Variants in KCNH1 observed in about 807,000 individuals in gnomAD.
KCNH1 encodes voltage-gated delayed rectifier potassium channel KCNH1.
In KCNH1, 27 loss-of-function variants were observed where a neutral mutation model predicts 69.2. The observed-to-expected ratio is 0.39, with a 90% CI of 0.29 to 0.54. The LOEUF (loss-of-function observed/expected upper bound fraction) is 0.54. KCNH1 is among the 20% of genes least tolerant of loss of function. The probability of loss-of-function intolerance (pLI) is 0.68; values close to 1 mark genes in which losing one functional copy is unlikely to be tolerated. For missense variants in KCNH1, 798 were observed against 1,261.6 expected, an observed-to-expected ratio of 0.63 and a Z score of 5.57; for synonymous variants, 456 against 487.7, an observed-to-expected ratio of 0.93 and a Z score of 0.86.
chr1:210,898,481 A>G (rs937877560), intron 7 of KCNH1, among the ~76,000 whole-genome samples: 5 of 152,200 alleles, frequency 3.3e-5, no homozygotes, highest in Non-Finnish European at 5.9e-5. Context: ...GTAAATGTGT[A>G]TAATATTGGC....
intron 10 of KCNH1, among the ~76,000 whole-genome samples, chr1:210,766,727 T>C (rs1234171409): frequency 6.6e-6 from 1 of 152,128 alleles, no homozygotes; most frequent in Non-Finnish European, 1.5e-5. Context: ...TAGTAAAAAG[T>C]AAATTGCCAA....
At chr1:211,095,260 A>G (rs1691127383) in intron 3 of KCNH1, among the ~76,000 whole-genome samples, 1 of 152,244 alleles carries the variant, frequency 6.6e-6, no homozygotes, top group Admixed American at 6.5e-5. Flanking sequence ...GTCCTACTGC[A>G]AAAAGGACAA....
intron 7 of KCNH1, among the ~76,000 whole-genome samples, chr1:210,874,522 T>C (rs955254154): frequency 1.3e-5 from 2 of 151,796 alleles, no homozygotes; most frequent in Non-Finnish European, 3.0e-5. Flanking sequence ...TGAACAGGGA[T>C]ATTCATCACA....
intron 7 of KCNH1, among the ~76,000 whole-genome samples, chr1:210,915,484 C>G (rs1687316001): frequency 6.6e-6 from 1 of 152,040 alleles, no homozygotes; most frequent in Non-Finnish European, 1.5e-5. Flanking sequence ...GAAAATGAGT[C>G]CACACACCAT....
intron 7 of KCNH1, among the ~76,000 whole-genome samples, chr1:210,837,447 G>C (rs1234200880): frequency 1.3e-5 from 2 of 152,122 alleles, no homozygotes; most frequent in African/African-American, 4.8e-5. Flanking sequence ...GCAGTACCTG[G>C]CACATAATAG....
chr1:210,994,690 T>C (rs951420323), intron 6 of KCNH1, among the ~76,000 whole-genome samples: 1 of 152,138 alleles, frequency 6.6e-6, no homozygotes, highest in Non-Finnish European at 1.5e-5. Flanking sequence ...CAGGGGTCAG[T>C]CTAAACTCAA....
At chr1:210,791,410 G>T (rs1466262764) in intron 9 of KCNH1, among the ~76,000 whole-genome samples, 1 of 152,174 alleles carries the variant, frequency 6.6e-6, no homozygotes, top group Admixed American at 6.5e-5. Context: ...AAGTTTCCCA[G>T]CTGAGTTTTG....
chr1:210,714,273 G>A (rs1332302371), intron 10 of KCNH1, among the ~76,000 whole-genome samples: 2 of 152,186 alleles, frequency 1.3e-5, no homozygotes, highest in African/African-American at 4.8e-5. Context: ...TCAGTAAGGG[G>A]AGTAAAGTAA....
intron 7 of KCNH1, among the ~76,000 whole-genome samples, chr1:210,850,180 T>A (rs986628964): frequency 7.2e-5 from 11 of 152,020 alleles, no homozygotes; most frequent in African/African-American, 2.4e-4. Flanking sequence ...CAGGAAGAGA[T>A]GAAGCAAATA....
intron 5 of KCNH1, among the ~76,000 whole-genome samples, chr1:211,059,830 A>G (rs980186205): frequency 1.2e-4 from 19 of 152,170 alleles, no homozygotes; most frequent in Non-Finnish European, 1.5e-5. Flanking sequence ...TCAGCACTGG[A>G]CAGATCATCT....
In KCNH1 at chr1:211,042,500, T is replaced by A. The variant is rs1427446425; in HGVS notation, c.559-23244A>T. Among the ~76,000 whole-genome samples the A allele has an allele frequency of 3.3e-5, 5 of 152,170 alleles. No homozygotes were observed. The South Asian group carries it at 6.2e-4, about 19-fold the overall frequency. ...AGTACTAGACCTAAGAAATGAGATA[T>A]ACAGCAACACAATAATAGTGGGGGA... is the stretch of plus-strand genomic sequence containing the variant. On this transcript the variant is annotated intron_variant, in intron 5 of 10. Transcript: ENST00000271751.
intron 7 of KCNH1, among the ~76,000 whole-genome samples, chr1:210,811,468 A>G (rs890796266): frequency 4.6e-5 from 7 of 152,108 alleles, no homozygotes; most frequent in African/African-American, 1.2e-4. Context: ...CTACCAAGTC[A>G]TTCATTGCTT....
chr1:210,888,593 C>T (rs1686673785), intron 7 of KCNH1, among the ~76,000 whole-genome samples: 1 of 152,076 alleles, frequency 6.6e-6, no homozygotes, highest in South Asian at 2.1e-4. Context: ...ACATAAAAAA[C>T]CCTTCAAAAA....
intron 10 of KCNH1, among the ~76,000 whole-genome samples, chr1:210,688,753 C>G (rs895815361): frequency 2.6e-5 from 4 of 152,204 alleles, no homozygotes; most frequent in Admixed American, 2.6e-4. Context: ...ATGAGGACAA[C>G]TGCTCATTGG....
At chr1:210,765,185 A>G (rs573909957) in intron 10 of KCNH1, among the ~76,000 whole-genome samples, 8 of 152,266 alleles carry the variant, frequency 5.3e-5, no homozygotes, top group Admixed American at 3.3e-4. Flanking sequence ...GATGGGAACA[A>G]TAAACACTTG....
chr1:210,834,610 A>G (rs1396851291), intron 7 of KCNH1, among the ~76,000 whole-genome samples: 2 of 150,348 alleles, frequency 1.3e-5, no homozygotes, highest in Non-Finnish European at 3.0e-5. Flanking sequence ...GGTGAAGTGC[A>G]CCAGCATGTC....
At chr1:210,900,641 G>T (rs1041085680) in intron 7 of KCNH1, among the ~76,000 whole-genome samples, 1 of 152,086 alleles carries the variant, frequency 6.6e-6, no homozygotes, top group Non-Finnish European at 1.5e-5. Flanking sequence ...ACTAATTCTG[G>T]TGCATAAACA....
intron 10 of KCNH1, among the ~76,000 whole-genome samples, chr1:210,762,593 A>C (rs1359107625): frequency 6.6e-6 from 1 of 152,160 alleles, no homozygotes; most frequent in Admixed American, 6.5e-5. Context: ...TATTATGAAC[A>C]TCTCTATGTA....
chr1:211,079,825 A>T (rs1231358037), intron 5 of KCNH1, among the ~76,000 whole-genome samples: 1 of 152,192 alleles, frequency 6.6e-6, no homozygotes, highest in Admixed American at 6.5e-5. Context: ...TCTCAAAATA[A>T]TAAGAGCTAT....
Sources: allele counts gnomAD v4.1 joint callset (sites outside exome capture counted in the v4.1 genomes callset), GRCh38; gene constraint gnomAD v4.1.1; transcripts MANE v1.5; gene names NCBI Gene and HGNC (gene_info 2026-07-23, HGNC 2026-07-21).